Variants in SORCS2 observed in about 807,000 individuals in gnomAD.
SORCS2 encodes the protein sortilin related VPS10 domain containing receptor 2, also known as VPS10 domain-containing receptor SorCS2.
A neutral mutation model predicts 141.6 loss-of-function variants in SORCS2; 100 were observed. That is an observed-to-expected ratio of 0.71 (90% CI 0.60 to 0.83). The LOEUF is 0.83. SORCS2 is among the 40% of genes least tolerant of loss of function. The pLI is 0.00. For missense variants in SORCS2, 1,646 were observed against 1,560.2 expected (o/e 1.05, Z -0.93); for synonymous variants, 789 against 676.9 (o/e 1.17, Z -2.57).
At chr4:7,661,446 G>C (rs1313313378) in intron 5 of SORCS2, 54 bp from the exon 6 acceptor site, 33 of 1,538,838 alleles carry the variant, frequency 2.1e-5, no homozygotes, top group Non-Finnish European at 2.9e-5. Flanking sequence ...GAGCAGCTGG[G>C]GGACGGGCAT....
At chr4:7,628,377 G>T (rs574503911) in intron 3 of SORCS2, among the ~76,000 whole-genome samples, 1 of 152,246 alleles carries the variant, frequency 6.6e-6, no homozygotes, top group East Asian at 1.9e-4. Context: ...AAATTAGCCT[G>T]GCGTGGTGGC....
At chr4:7,238,700 G>A (rs111339358) in intron 1 of SORCS2, among the ~76,000 whole-genome samples, 29 of 152,210 alleles carry the variant, frequency 1.9e-4, no homozygotes, top group Admixed American at 1.4e-3. Flanking sequence ...GCTGCCCTGC[G>A]TGTGTCTGGG....
At chr4:7,446,015 C>T (rs1355639619) in intron 2 of SORCS2, among the ~76,000 whole-genome samples, 4 of 135,996 alleles carry the variant, frequency 2.9e-5, no homozygotes, top group East Asian at 2.2e-4. Context: ...TCTTTTTTTT[C>T]CTTCCTTCTC....
intron 2 of SORCS2, among the ~76,000 whole-genome samples, chr4:7,428,100 C>G (rs1422518130): frequency 6.6e-6 from 1 of 152,090 alleles, no homozygotes. Flanking sequence ...GGGGTGGGGC[C>G]CATCTGCCCG....
chr4:7,538,587 T>TCACACACACACACA (rs34526550), intron 3 of SORCS2, among the ~76,000 whole-genome samples: 66 of 150,688 alleles, frequency 4.4e-4, no homozygotes, highest in African/African-American at 1.2e-3. Context: ...AATATTAAAA[T>TCACACACACACACA]CACACACACA....
intron 8 of SORCS2, among the ~76,000 whole-genome samples, chr4:7,671,069 G>A (rs1317743830): frequency 6.6e-6 from 1 of 152,156 alleles, no homozygotes; most frequent in Non-Finnish European, 1.5e-5. Context: ...TAGAAAATCA[G>A]CAGGCATGCC....
At chr4:7,305,266 C>G (rs567576833) in intron 1 of SORCS2, among the ~76,000 whole-genome samples, 1 of 151,958 alleles carries the variant, frequency 6.6e-6, no homozygotes. Flanking sequence ...CTGCTGACCT[C>G]GTGATCTGCC....
At chr4:7,724,153 G>A (rs1301362220) in intron 19 of SORCS2, among the ~76,000 whole-genome samples, 21 of 144,822 alleles carry the variant, frequency 1.5e-4, no homozygotes, top group Admixed American at 4.1e-4. Flanking sequence ...TGGTCGTGGT[G>A]GTGGTGGTGA....
intron 23 of SORCS2, among the ~76,000 whole-genome samples, chr4:7,732,550 C>T (rs1376868362): frequency 1.3e-5 from 2 of 152,170 alleles, no homozygotes; most frequent in Non-Finnish European, 1.5e-5. Context: ...GCATCCCTCA[C>T]CCTACAACCC....
At chr4:7,414,687 A>G (rs1725546734) in intron 2 of SORCS2, among the ~76,000 whole-genome samples, 1 of 152,064 alleles carries the variant, frequency 6.6e-6, no homozygotes, top group Non-Finnish European at 1.5e-5. Flanking sequence ...AGAGTGATAA[A>G]CAACTTAAAA....
intron 1 of SORCS2, among the ~76,000 whole-genome samples, chr4:7,384,011 G>T (rs1723143598): frequency 6.6e-6 from 1 of 152,228 alleles, no homozygotes; most frequent in Non-Finnish European, 1.5e-5. Context: ...TTTGATTTAT[G>T]AGGCCCTTTC....
chr4:7,600,651 A>T, intron 3 of SORCS2, among the ~76,000 whole-genome samples: 1 of 91,862 alleles, frequency 1.1e-5, no homozygotes, highest in African/African-American at 4.0e-5. Context: ...ATATACATAT[A>T]TATATACACA....
intron 2 of SORCS2, among the ~76,000 whole-genome samples, chr4:7,509,575 C>A (rs145184789): frequency 1.3e-5 from 2 of 152,336 alleles, no homozygotes; most frequent in Non-Finnish European, 2.9e-5. Flanking sequence ...CCTCCATCAT[C>A]CCCATTTTCC....
intron 3 of SORCS2, among the ~76,000 whole-genome samples, chr4:7,583,563 G>A (rs1325908255): frequency 6.6e-6 from 1 of 152,168 alleles, no homozygotes; most frequent in African/African-American, 2.4e-5. Context: ...ACTGAATCAT[G>A]GGGGCAGTTT....
In SORCS2 at chr4:7,664,628, G is replaced by T. The variant is rs549536338; in HGVS notation, c.1071+157G>T. Among the ~76,000 whole-genome samples the T allele has an allele frequency of 5.2e-4, 79 of 152,286 alleles. No individual in the cohort carries two copies. The highest frequency in any genetic ancestry group is 1.8e-3 in the African/African-American group (75 of 41,566). On this transcript the variant is annotated intron_variant, in intron 7 of 26. Coordinates refer to ENST00000507866, the MANE Select transcript of SORCS2 (RefSeq NM_020777.3). This position sits in a 1 kb window ranked among gnomAD's most constrained non-coding sequence, Gnocchi z 4.7. The stretch of plus-strand genomic sequence containing the variant: ...GGTCACGGTTTCTGACCGTGGCTGT[G>T]GCTGCAGCCATCCACAGAAGCCCTC...
At chr4:7,249,885 C>T (rs1713370124) in intron 1 of SORCS2, among the ~76,000 whole-genome samples, 1 of 152,172 alleles carries the variant, frequency 6.6e-6, no homozygotes, top group Admixed American at 6.5e-5. Flanking sequence ...GGCCCCTGAG[C>T]AGGGCCCACG....
rs138849371 is a variant in SORCS2 at position 7,599,530 on chromosome 4, C to T, written c.649-38798C>T. ...AACCCCAGGCCCCATGCCTGGATCACGAAGCCAGCTCCTGACACCACGAAC... is the reference window on the plus strand; with the variant it reads ...AACCCCAGGCCCCATGCCTGGATCATGAAGCCAGCTCCTGACACCACGAAC... On this transcript the variant is annotated intron_variant, in intron 3 of 26. Transcript: ENST00000507866. Among the ~76,000 whole-genome samples, 57 of 152,344 alleles carry T rather than the reference C, an allele frequency of 3.7e-4. No individual in the cohort carries two copies. In the East Asian group the frequency reaches 0.011, roughly 28 times the overall value.
intron 1 of SORCS2, among the ~76,000 whole-genome samples, chr4:7,360,914 T>C (rs1721544855): frequency 6.6e-6 from 1 of 151,990 alleles, no homozygotes; most frequent in African/African-American, 2.4e-5. Context: ...TACTCCTCTT[T>C]GGAGGCAGGA....
At chr4:7,562,516 T>C (rs576779657) in intron 3 of SORCS2, among the ~76,000 whole-genome samples, 2 of 152,326 alleles carry the variant, frequency 1.3e-5, no homozygotes, top group East Asian at 1.9e-4. Flanking sequence ...AGATGGTACA[T>C]ACTTTAAGCT....
Sources: gnomAD v4.1 joint callset for allele counts (sites outside exome capture counted in the v4.1 genomes callset) on GRCh38, gnomAD v4.1.1 for gene constraint, Gnocchi (gnomAD v3.1) non-coding constraint, MANE v1.5 for transcripts, NCBI Gene and HGNC (gene_info 2026-07-23, HGNC 2026-07-21) for gene names.